ZGPAT: variants seen among roughly 807,000 people sequenced by gnomAD.
The protein encoded by ZGPAT is zinc finger CCCH-type and G-patch domain containing, also known as zinc finger CCCH-type with G patch domain-containing protein.
In ZGPAT, 39 loss-of-function variants were observed where a neutral mutation model predicts 47.9. The ratio of observed to expected loss-of-function variants is 0.81; its 90% confidence interval spans 0.63 to 1.06. The LOEUF (loss-of-function observed/expected upper bound fraction) is 1.06, where lower values mean the gene tolerates loss of function less well. ZGPAT is among the 50% of genes least tolerant of loss of function. The probability of loss-of-function intolerance (pLI) is 0.00; values close to 1 mark genes in which losing one functional copy is unlikely to be tolerated. For missense variants in ZGPAT, 717 were observed against 681.4 expected, an observed-to-expected ratio of 1.05 and a Z score of -0.58; for synonymous variants, 348 against 292.9, an observed-to-expected ratio of 1.19 and a Z score of -1.92.
At chr20:63,716,770 C>T (rs958783039) in intron 2 of ZGPAT, among the ~76,000 whole-genome samples, 1 of 152,166 alleles carries the variant, frequency 6.6e-6, no homozygotes, top group Non-Finnish European at 1.5e-5. Flanking sequence ...CAACCTCCGA[C>T]TCCCAGATTC....
chr20:63,714,111 C>T (rs1026412816), intron 2 of ZGPAT, among the ~76,000 whole-genome samples: 2 of 151,908 alleles, frequency 1.3e-5, no homozygotes, highest in Non-Finnish European at 2.9e-5. Flanking sequence ...GCTAGAACTT[C>T]AAGTACAATG....
intron 5 of ZGPAT, 115 bp downstream of exon 5, chr20:63,734,939 C>G: frequency 1.4e-6 from 2 of 1,389,982 alleles, no homozygotes; most frequent in Non-Finnish European, 1.9e-6. Flanking sequence ...CCCGCAGCCA[C>G]AGCACTGCCA....
chr20:63,731,015 T>C (rs2091895801), intron 2 of ZGPAT, among the ~76,000 whole-genome samples: 2 of 151,398 alleles, frequency 1.3e-5, no homozygotes, highest in South Asian at 4.2e-4. Context: ...TTAATTTTAC[T>C]GGTTCACTGA....
At chr20:63,714,350 T>TG (rs1463121403) in intron 2 of ZGPAT, among the ~76,000 whole-genome samples, 1 of 149,296 alleles carries the variant, frequency 6.7e-6, no homozygotes, top group African/African-American at 2.5e-5. Flanking sequence ...TGCTTGAACC[T>TG]GGGGGGCGGA....
intron 4 of ZGPAT, 142 bp from the exon 5 acceptor site, chr20:63,734,563 T>G: frequency 3.7e-5 from 55 of 1,485,262 alleles, no homozygotes; most frequent in Non-Finnish European, 4.5e-5. Context: ...GCCCAGGATC[T>G]GAGCTCATTG....
At chr20:63,720,185 TCA>T (rs1249653431) in intron 2 of ZGPAT, among the ~76,000 whole-genome samples, 1 of 151,708 alleles carries the variant, frequency 6.6e-6, no homozygotes, top group Non-Finnish European at 1.5e-5. Flanking sequence ...AGATGGAGTC[TCA>T]CTCTATAGCC....
At chr20:63,713,534 G>A (rs539553872) in intron 2 of ZGPAT, among the ~76,000 whole-genome samples, 1 of 151,106 alleles carries the variant, frequency 6.6e-6, no homozygotes, top group South Asian at 2.1e-4. Context: ...CCCGGCTGGA[G>A]TTGTTTTCCT....
At chr20:63,725,785 CT>C (rs1306993566) in intron 2 of ZGPAT, among the ~76,000 whole-genome samples, 1 of 147,270 alleles carries the variant, frequency 6.8e-6, no homozygotes, top group Non-Finnish European at 1.5e-5. Context: ...TTTTTCCAAC[CT>C]TTTTTCTCCT....
chr20:63,725,952 C>T (rs1281155613), intron 2 of ZGPAT, among the ~76,000 whole-genome samples: 2 of 151,644 alleles, frequency 1.3e-5, no homozygotes, highest in African/African-American at 4.9e-5. Context: ...TCTCCTGCCT[C>T]AGCCTCCTGA....
chr20:63,732,291 G>A (rs910684956), intron 2 of ZGPAT, among the ~76,000 whole-genome samples: 6 of 22,190 alleles, frequency 2.7e-4, no homozygotes, highest in Admixed American at 5.0e-4. Context: ...GTGAGGGCGT[G>A]TGTGTGTGCA....
chr20:63,731,020 C>G (rs144656496), intron 2 of ZGPAT, among the ~76,000 whole-genome samples: 1 of 149,554 alleles, frequency 6.7e-6, no homozygotes, highest in Non-Finnish European at 1.5e-5. Context: ...TTTACTGGTT[C>G]ACTGATGCCT....
rs369336950 is a variant in ZGPAT at position 63,709,435 on chromosome 20, C to T, written c.584+271C>T. Among the ~76,000 whole-genome samples, 6 of 152,258 alleles carry T rather than the reference C, an allele frequency of 3.9e-5. No individual in the cohort carries two copies. In the East Asian group the frequency reaches 9.7e-4, roughly 25 times the overall value. The stretch of plus-strand genomic sequence containing the variant: ...GGCAGATCACCTGAGGTCAGGAGTT[C>T]AAGACCACGCTGGTCAACATGGTGA... On this transcript the variant is annotated intron_variant, in intron 2 of 6. Coordinates refer to ENST00000355969, the MANE Select transcript of ZGPAT (RefSeq NM_181485.3).
intron 2 of ZGPAT, among the ~76,000 whole-genome samples, chr20:63,727,457 G>A (rs2091856749): frequency 6.6e-6 from 1 of 151,772 alleles, no homozygotes; most frequent in African/African-American, 2.4e-5. Context: ...GGTCAGGCTG[G>A]TTTTGAACGT....
At position 63,734,907 on chromosome 20, in the gene ZGPAT, G is replaced by A. The variant is rs557326023; in HGVS notation, c.991+83G>A. The A allele has an allele frequency of 4.0e-5, 58 of 1,463,602 alleles. No homozygotes were observed. In the African/African-American group the frequency reaches 7.5e-4, roughly 19 times the overall value. The allele number at this position is 1,463,602 out of a possible 1,614,324, so 90.7% of individuals were successfully genotyped here. On this transcript the variant is annotated intron_variant, in intron 5 of 6. Transcript: ENST00000355969. ...GCAGCCATCAGGTTCCCGGGGTCCC[G>A]CAGCCATCGGGTTCCCAGGGTCCCG... is the stretch of plus-strand genomic sequence containing the variant.
chr20:63,734,948 C>T (rs2091963666), intron 5 of ZGPAT, 124 bp downstream of exon 5: 1 of 1,365,488 alleles, frequency 7.3e-7, no homozygotes, highest in Non-Finnish European at 9.7e-7. Context: ...ACAGCACTGC[C>T]ATCCCCGTGC....
intron 2 of ZGPAT, 141 bp downstream of exon 2, chr20:63,709,305 G>T (rs960562861): frequency 7.6e-6 from 7 of 917,610 alleles, no homozygotes; most frequent in Middle Eastern, 3.2e-4. Context: ...CTGTGTCTGT[G>T]TTCAGGCGTC....
At chr20:63,708,506 G>A (rs2091601367) in intron 1 of ZGPAT, 47 bp from the exon 2 acceptor site, 2 of 1,398,494 alleles carry the variant, frequency 1.4e-6, no homozygotes, top group Non-Finnish European at 1.9e-6. Context: ...CTCAGGCTGT[G>A]GGGTCGGTCC....
rs755704901 is a variant in ZGPAT, at chr20:63,708,908, G to A, written c.328G>A (p.Gly110Arg). 4 of 1,612,130 alleles carry A rather than the reference G, an allele frequency of 2.5e-6. No homozygotes were observed. In the East Asian group the frequency reaches 8.9e-5, roughly 36 times the overall value. Reference sequence around the variant, plus strand: ...AGAGACCGTTCCTAAAGCAGAGGCGGGGCCAGAATCTGCGGCAGGTGGGCA... The same window carrying A: ...AGAGACCGTTCCTAAAGCAGAGGCGAGGCCAGAATCTGCGGCAGGTGGGCA... Reference protein sequence around the residue: ...GSETVPKAEAGPESAAGGQEE... With the variant: ...GSETVPKAEARPESAAGGQEE... Residue 110 changes from glycine to arginine, a missense_variant, in exon 2 of 7, where the codon GGG (glycine) becomes AGG (arginine). By Grantham distance (125) the Gly-to-Arg change is moderately radical. Coordinates refer to ENST00000355969, the MANE Select transcript of ZGPAT (RefSeq NM_181485.3).
chr20:63,735,859 A>G lies in ZGPAT; in HGVS notation c.1476A>G (p.Glu492=). ...AGCTGGGGCAGCTCCGGGCTCAGGAAGCCGGCCTGCAGCAGGAGCAGAGGA... is the reference window on the plus strand; with the variant it reads ...AGCTGGGGCAGCTCCGGGCTCAGGAGGCCGGCCTGCAGCAGGAGCAGAGGA... ...QRQLGQLRAQ[E]AGLQQEQRKA... Residue 492 remains glutamate, a synonymous_variant, in exon 7 of 7, where the codon GAA becomes GAG. Transcript: ENST00000355969. 6.2e-7 allele frequency: 1 copy of G among 1,612,888 alleles called. No homozygotes were observed. Among genetic ancestry groups the G allele is most frequent in the Non-Finnish European group, 8.5e-7 (1 of 1,179,910 alleles).
Sources: allele counts gnomAD v4.1 joint callset (sites outside exome capture counted in the v4.1 genomes callset), GRCh38; gene constraint gnomAD v4.1.1; transcripts MANE v1.5; gene names NCBI Gene and HGNC (gene_info 2026-07-23, HGNC 2026-07-21).